DLC1: variants seen among roughly 807,000 people sequenced by gnomAD.
DLC1 encodes rho GTPase-activating protein 7.
A neutral mutation model predicts 140.3 loss-of-function variants in DLC1; 54 were observed. That is an observed-to-expected ratio of 0.38 (90% CI 0.31 to 0.48). The LOEUF is 0.48. Among genes scored for constraint, DLC1 ranks in the 20% least tolerant of loss-of-function variants. The pLI is 0.96. For synonymous variants in DLC1, 986 were observed against 728.1 expected (o/e 1.35, Z -5.70); for missense variants, 2,536 against 1,907.0 (o/e 1.33, Z -6.14).
chr8:13,268,781 A>C (rs949792289), intron 5 of DLC1, among the ~76,000 whole-genome samples: 2 of 151,834 alleles, frequency 1.3e-5, no homozygotes, highest in African/African-American at 4.8e-5. Context: ...CATGAGGGGA[A>C]GTGGGGCCTA....
intron 4 of DLC1, among the ~76,000 whole-genome samples, chr8:13,387,357 C>A (rs1836569582): frequency 2.6e-5 from 4 of 151,954 alleles, no homozygotes; most frequent in Non-Finnish European, 5.9e-5. Context: ...TTAAAAAATT[C>A]ATCTGATAAC....
intron 4 of DLC1, among the ~76,000 whole-genome samples, chr8:13,376,331 A>G (rs1431018976): frequency 6.6e-5 from 10 of 152,166 alleles, no homozygotes; most frequent in East Asian, 5.8e-4. Flanking sequence ...AACGGGAAGC[A>G]TTTGCTAATG....
intron 5 of DLC1, among the ~76,000 whole-genome samples, chr8:13,131,465 G>A (rs1585721988): frequency 6.6e-6 from 1 of 152,066 alleles, no homozygotes; most frequent in Admixed American, 6.5e-5. Context: ...ACCAGTAATC[G>A]CCGAAACAAC....
At chr8:13,267,345 A>T (rs1324837356) in intron 5 of DLC1, among the ~76,000 whole-genome samples, 1 of 150,160 alleles carries the variant, frequency 6.7e-6, no homozygotes, top group Non-Finnish European at 1.5e-5. Flanking sequence ...CCAGATGTTT[A>T]TGTTGGTGAG....
At position 13,252,001 on chromosome 8, in the gene DLC1, T is replaced by C. The variant is rs545047957; in HGVS notation, c.1348+53268A>G. ...TTTACTAAGCTTTAGTGATATTCTT[T>C]TAGACAGGACAGATGCTGGGACATT... On this transcript the variant is annotated intron_variant, in intron 5 of 17. Coordinates refer to ENST00000276297, the MANE Select transcript of DLC1 (RefSeq NM_182643.3). Among the ~76,000 whole-genome samples the C allele has an allele frequency of 1.2e-4, 18 of 152,298 alleles. 1 individual carries two copies. The South Asian group carries it at 3.7e-3, about 32-fold the overall frequency.
intron 5 of DLC1, among the ~76,000 whole-genome samples, chr8:13,249,339 A>T (rs939463396): frequency 2.6e-5 from 4 of 152,124 alleles, no homozygotes; most frequent in Admixed American, 2.0e-4. Flanking sequence ...CAGCCTCTCA[A>T]AGTGCTGGGA....
At chr8:13,142,525 T>C (rs535988884) in intron 5 of DLC1, among the ~76,000 whole-genome samples, 1 of 152,316 alleles carries the variant, frequency 6.6e-6, no homozygotes, top group East Asian at 1.9e-4. Flanking sequence ...AAAATCTAGC[T>C]ATATAGTGCT....
intron 5 of DLC1, among the ~76,000 whole-genome samples, chr8:13,220,690 G>A (rs1243096796): frequency 2.0e-5 from 3 of 152,124 alleles, no homozygotes; most frequent in East Asian, 3.9e-4. Context: ...AAGAAGTGGG[G>A]ACATGCACAG....
intron 5 of DLC1, among the ~76,000 whole-genome samples, chr8:13,280,624 G>A (rs1831334153): frequency 6.6e-6 from 1 of 152,028 alleles, no homozygotes. Flanking sequence ...GTGTTTCTAG[G>A]TTCCATCTTC....
intron 2 of DLC1, among the ~76,000 whole-genome samples, chr8:13,442,796 T>C (rs577232866): frequency 5.7e-4 from 87 of 152,308 alleles, no homozygotes; most frequent in African/African-American, 1.9e-3. Context: ...GTCAGTGTGG[T>C]GATTCCTCTG....
chr8:13,510,738 A>T (rs768162201), intron 1 of DLC1, among the ~76,000 whole-genome samples: 1 of 152,176 alleles, frequency 6.6e-6, no homozygotes, highest in Non-Finnish European at 1.5e-5. Flanking sequence ...CACTGGCCTC[A>T]TGTAACTTTT....
chr8:13,600,150 C>T (rs967131988), intron 1 of DLC1, among the ~76,000 whole-genome samples: 1 of 151,846 alleles, frequency 6.6e-6, no homozygotes, highest in Non-Finnish European at 1.5e-5. Flanking sequence ...GTATAAGGGG[C>T]CCCAAAGTAT....
At chr8:13,537,953 C>T (rs1040000794) in intron 1 of DLC1, among the ~76,000 whole-genome samples, 1 of 152,096 alleles carries the variant, frequency 6.6e-6, no homozygotes, top group Non-Finnish European at 1.5e-5. Flanking sequence ...CGCACCCGGC[C>T]AGCAACAGCT....
intron 1 of DLC1, among the ~76,000 whole-genome samples, chr8:13,521,682 C>T (rs1038906297): frequency 6.6e-6 from 1 of 152,142 alleles, no homozygotes; most frequent in African/African-American, 2.4e-5. Context: ...GCAACATTCT[C>T]AGCCCACCAT....
At chr8:13,170,524 A>G (rs900908390) in intron 5 of DLC1, among the ~76,000 whole-genome samples, 4 of 152,042 alleles carry the variant, frequency 2.6e-5, no homozygotes, top group African/African-American at 9.7e-5. Flanking sequence ...AGGTCAGGAA[A>G]TCGAGACCAT....
chr8:13,591,538 A>G (rs1427158767), intron 1 of DLC1, among the ~76,000 whole-genome samples: 1 of 152,098 alleles, frequency 6.6e-6, no homozygotes, highest in Non-Finnish European at 1.5e-5. Flanking sequence ...CCGTGAGTCA[A>G]TTAAACCTCT....
intron 5 of DLC1, among the ~76,000 whole-genome samples, chr8:13,159,393 G>T (rs1824514694): frequency 6.6e-6 from 1 of 152,174 alleles, no homozygotes. Context: ...GGACTCCAGG[G>T]CGCTGCACTT....
chr8:13,471,389 T>C (rs1352936934), intron 2 of DLC1, among the ~76,000 whole-genome samples: 1 of 151,526 alleles, frequency 6.6e-6, no homozygotes, highest in East Asian at 1.9e-4. Context: ...TATTCCACAA[T>C]GTATTCATAG....
At chr8:13,535,128 G>A (rs534689788) in intron 1 of DLC1, among the ~76,000 whole-genome samples, 3 of 152,030 alleles carry the variant, frequency 2.0e-5, no homozygotes, top group South Asian at 4.1e-4. Context: ...TATCTTTATT[G>A]TATTAAATTA....
Sources: gnomAD v4.1 joint callset for allele counts (sites outside exome capture counted in the v4.1 genomes callset) on GRCh38, gnomAD v4.1.1 for gene constraint, MANE v1.5 for transcripts, NCBI Gene and HGNC (gene_info 2026-07-23, HGNC 2026-07-21) for gene names.